SNAPC3: variants seen among roughly 807,000 people sequenced by gnomAD.
The protein encoded by SNAPC3 is snRNA-activating protein complex subunit 3.
A neutral mutation model predicts 47.7 loss-of-function variants in SNAPC3; 56 were observed. The observed-to-expected ratio is 1.18, with a 90% confidence interval of 0.95 to 1.47. The LOEUF is 1.47. Ranked by LOEUF, SNAPC3 falls within the 40% of genes most tolerant of loss-of-function variation. SNAPC3 has a pLI of 0.00. For missense variants in SNAPC3, 665 were observed against 511.3 expected (o/e 1.30, Z -2.90); for synonymous variants, 235 against 189.9 (o/e 1.24, Z -1.95).
At position 15,444,704 on chromosome 9, in the gene SNAPC3, A is replaced by G; in HGVS notation, c.580A>G (p.Lys194Glu). The G allele has an allele frequency of 6.5e-7, 1 of 1,530,080 alleles. No individual in the cohort carries two copies. Among genetic ancestry groups the G allele is most frequent in the South Asian group, 1.1e-5 (1 of 87,700 alleles). 94.8% of individuals were successfully genotyped at this position (1,530,080 alleles called of 1,614,324 possible). Residue 194 changes from lysine (K) to glutamate (E), a missense_variant and splice_region_variant, in exon 4 of 9, where the codon AAG becomes GAG. Transcript: ENST00000380821. The stretch of plus-strand genomic sequence containing the variant: ...TATCTTGTACCCTGTTATATTTCAT[A>G]AGGTAAGTAGTAAAACCTTTTGGAT... The part of the protein sequence containing the change: ...VNILYPVIFH[K>E]HKEHKPYQTM...
chr9:15,453,122 T>A lies in SNAPC3; in HGVS notation c.897T>A (p.Asn299Lys), dbSNP rs138667984. ...CTAGAATGGAAGATTTCACCTTCAA[T>A]GACTTGTGTATTAAACTGGGTTTTC... ...QTARMEDFTFNDLCIKLGFPY... is the reference protein window; with the variant it reads ...QTARMEDFTFKDLCIKLGFPY... Residue 299 changes from asparagine (N) to lysine (K), a missense_variant, in exon 7 of 9, where the codon AAT becomes AAA. Asn to Lys is a moderately conservative substitution (Grantham distance 94, BLOSUM62 0). Coordinates refer to ENST00000380821, the MANE Select transcript of SNAPC3 (RefSeq NM_001039697.2). The A allele has an allele frequency of 4.2e-5, 67 of 1,612,786 alleles. No individual in the cohort carries two copies. Among genetic ancestry groups the A allele is most frequent in the Non-Finnish European group, 5.3e-5 (63 of 1,178,878 alleles).
intron 8 of SNAPC3, among the ~76,000 whole-genome samples, chr9:15,458,925 C>T (rs1160980562): frequency 1.3e-5 from 2 of 151,972 alleles, no homozygotes; most frequent in East Asian, 1.9e-4. Context: ...GTGGGATGTT[C>T]AACCGGCAAA....
chr9:15,465,634 GA>G, downstream of SNAPC3: 9 of 1,398,476 alleles, frequency 6.4e-6, no homozygotes, highest in South Asian at 2.5e-5. Flanking sequence ...CCTGATGAAG[GA>G]AAAAAAGACA....
rs144605731 is a variant in SNAPC3, at chr9:15,443,193, G to T, written c.478-1409G>T. Among the ~76,000 whole-genome samples, 39 of 152,196 alleles carry T rather than the reference G, an allele frequency of 2.6e-4. No individual in the cohort carries two copies. The East Asian group carries it at 7.2e-3, about 28-fold the overall frequency. ...AGGGAGAGGGAGACCGTGGGGAGAG[G>T]GGGAGAGGGAGAGAGGGAGAGGGAG... On this transcript the variant is annotated intron_variant, in intron 3 of 8. Coordinates refer to ENST00000380821, the MANE Select transcript of SNAPC3 (RefSeq NM_001039697.2).
intron 3 of SNAPC3, among the ~76,000 whole-genome samples, chr9:15,442,514 G>A (rs1182563751): frequency 1.3e-5 from 2 of 151,492 alleles, no homozygotes; most frequent in African/African-American, 4.9e-5. Context: ...GGGCGGAGAC[G>A]CTCCTCACCT....
intron 2 of SNAPC3, chr9:15,432,135 A>G (rs982819896): frequency 6.6e-6 from 1 of 152,214 alleles, no homozygotes; most frequent in Admixed American, 6.5e-5. Flanking sequence ...GGTTGCCAAC[A>G]GTGAAAGCTG....
chr9:15,446,486 C>T (rs185271766), intron 4 of SNAPC3, among the ~76,000 whole-genome samples: 6 of 152,320 alleles, frequency 3.9e-5, no homozygotes, highest in Non-Finnish European at 7.3e-5. Context: ...GGATTACAGG[C>T]ATGAGCCACT....
At chr9:15,454,664 C>T (rs779348704) in intron 7 of SNAPC3, among the ~76,000 whole-genome samples, 1 of 152,004 alleles carries the variant, frequency 6.6e-6, no homozygotes, top group East Asian at 1.9e-4. Context: ...TGGGCCAGGC[C>T]CGGTGGCTCA....
chr9:15,447,304 C>G, intron 5 of SNAPC3, 60 bp downstream of exon 5: 1 of 1,465,688 alleles, frequency 6.8e-7, no homozygotes, highest in Non-Finnish European at 9.6e-7. Context: ...ATAGCGATTA[C>G]TCTAGCTGGT....
intron 2 of SNAPC3, among the ~76,000 whole-genome samples, chr9:15,427,981 C>G (rs976862820): frequency 2.0e-5 from 3 of 151,936 alleles, no homozygotes; most frequent in Non-Finnish European, 4.4e-5. Flanking sequence ...CGTGGTGGCA[C>G]CCGCCTGTAG....
chr9:15,437,309 T>G (rs1587246179), intron 3 of SNAPC3, among the ~76,000 whole-genome samples: 1 of 150,210 alleles, frequency 6.7e-6, no homozygotes, highest in Non-Finnish European at 1.5e-5. Context: ...CTTGGCTCAC[T>G]GCAACTTCCG....
At chr9:15,466,403 C>G (rs187041442), downstream of SNAPC3, among the ~76,000 whole-genome samples, 12 of 152,046 alleles carry the variant, frequency 7.9e-5, no homozygotes. Context: ...AACAACAAAA[C>G]TGTGATTCTC....
At position 15,444,641 on chromosome 9, in the gene SNAPC3, G is replaced by C. The variant is rs1247681635; in HGVS notation, c.517G>C (p.Asp173His). ...AIGKKPENSA[D>H]MIEEGELILS... is the part of the protein sequence containing the mutation. ...AGGAAAAAAGCCTGAAAATTCAGCA[G>C]ACATGATTGAAGAAGGGGAGCTTAT... The change falls in exon 4 of 9, where the codon GAC becomes CAC. Residue 173 changes from aspartate (D) to histidine (H), a missense_variant. By Grantham distance (81) the Asp-to-His change is moderately conservative. Coordinates refer to ENST00000380821, the MANE Select transcript of SNAPC3 (RefSeq NM_001039697.2). 6.2e-7 allele frequency: 1 copy of C among 1,613,154 alleles called. No homozygotes were observed. The highest frequency in any genetic ancestry group is 2.2e-5 in the East Asian group (1 of 44,864).
In SNAPC3 at chr9:15,433,582, A is replaced by C; in HGVS notation, c.423A>C (p.Glu141Asp). ...GVRKRFLEHR[E>D]ETITIDRACR... ...GAAAAAGGTTCTTGGAACATCGGGA[A>C]GAAACCATTACAATAGATCGAGCCT... Residue 141 changes from glutamate to aspartate, a missense_variant, in exon 3 of 9, where the codon GAA becomes GAC. Glu to Asp is a conservative substitution (Grantham distance 45). Transcript: ENST00000380821. 2 of 1,609,616 alleles carry C rather than the reference A, an allele frequency of 1.2e-6. No homozygotes were observed. Among genetic ancestry groups the C allele is most frequent in the South Asian group, 2.2e-5 (2 of 90,728 alleles).
At chr9:15,432,365 C>A (rs1483240562) in intron 2 of SNAPC3, among the ~76,000 whole-genome samples, 1 of 152,030 alleles carries the variant, frequency 6.6e-6, no homozygotes, top group Admixed American at 6.6e-5. Flanking sequence ...AGCAGTGACT[C>A]CAGTAACAAT....
intron 3 of SNAPC3, among the ~76,000 whole-genome samples, chr9:15,444,029 T>A (rs117139637): frequency 0.017 from 2,576 of 152,302 alleles, 40 homozygotes; most frequent in Middle Eastern, 0.037. Context: ...GTGACATGAT[T>A]CCCACTTATT....
At chr9:15,437,382 A>T (rs549089606) in intron 3 of SNAPC3, among the ~76,000 whole-genome samples, 14 of 152,086 alleles carry the variant, frequency 9.2e-5, no homozygotes, top group African/African-American at 3.4e-4. Flanking sequence ...ACAGGCGCCC[A>T]TCACAATGCC....
intron 3 of SNAPC3, among the ~76,000 whole-genome samples, chr9:15,435,603 C>A (rs1053625917): frequency 1.3e-5 from 2 of 151,006 alleles, no homozygotes; most frequent in Admixed American, 1.3e-4. Context: ...TGGTGGCAGG[C>A]GCCTGTAATC....
At chr9:15,436,655 A>G (rs902336264) in intron 3 of SNAPC3, among the ~76,000 whole-genome samples, 1 of 152,058 alleles carries the variant, frequency 6.6e-6, no homozygotes, top group African/African-American at 2.4e-5. Context: ...GAATTTTAGG[A>G]TGGGTGTTTC....
Sources: allele counts gnomAD v4.1 joint callset (sites outside exome capture counted in the v4.1 genomes callset), GRCh38; gene constraint gnomAD v4.1.1; transcripts MANE v1.5; gene names NCBI Gene and HGNC (gene_info 2026-07-23, HGNC 2026-07-21).